The following IQGAP2 variants were observed in gnomAD, a reference collection of about 807,000 sequenced individuals.
The protein encoded by IQGAP2 is IQ motif containing GTPase activating protein 2, also known as ras GTPase-activating-like protein IQGAP2.
IQGAP2 carries 173 observed loss-of-function variants against 201.3 expected under a neutral mutation model. The observed-to-expected ratio is 0.86, with a 90% CI of 0.76 to 0.98. IQGAP2 has a LOEUF of 0.98. Among genes scored for constraint, IQGAP2 ranks in the 50% least tolerant of loss-of-function variants. The probability of loss-of-function intolerance (pLI) is 0.00; values close to 1 mark genes in which losing one functional copy is unlikely to be tolerated. For synonymous variants in IQGAP2, 675 were observed against 673.9 expected (o/e 1.00, Z -0.03); for missense variants, 1,687 against 1,864.8 (o/e 0.90, Z 1.76).
chr5:76,494,971 C>G (rs904335846), intron 2 of IQGAP2, among the ~76,000 whole-genome samples: 8 of 152,256 alleles, frequency 5.3e-5, no homozygotes, highest in Middle Eastern at 3.4e-3. Flanking sequence ...AGGGTGTTTT[C>G]TTTTCATTAC....
intron 26 of IQGAP2, 69 bp from the exon 27 acceptor site, chr5:76,674,408 A>T (rs751264011): frequency 2.2e-6 from 2 of 923,834 alleles, no homozygotes; most frequent in Non-Finnish European, 3.3e-6. Context: ...ATCTTTAAAA[A>T]AAAAAAGAAA....
intron 14 of IQGAP2, among the ~76,000 whole-genome samples, chr5:76,628,408 T>G (rs1750430109): frequency 6.6e-6 from 1 of 152,146 alleles, no homozygotes; most frequent in Non-Finnish European, 1.5e-5. Flanking sequence ...ACTTCTGGAG[T>G]GCATAATCGG....
intron 2 of IQGAP2, among the ~76,000 whole-genome samples, chr5:76,526,130 A>G (rs929996007): frequency 4.6e-5 from 7 of 152,316 alleles, no homozygotes; most frequent in Admixed American, 4.6e-4. Context: ...TGGCTGTACC[A>G]CCTTAGGCAA....
chr5:76,581,203 A>C (rs2150291733), intron 5 of IQGAP2, among the ~76,000 whole-genome samples: 1 of 152,278 alleles, frequency 6.6e-6, no homozygotes, highest in South Asian at 2.1e-4. Context: ...GTGGCCTTTG[A>C]ACCTGCTCCT....
At chr5:76,549,760 C>T (rs896906587) in intron 2 of IQGAP2, among the ~76,000 whole-genome samples, 3 of 152,064 alleles carry the variant, frequency 2.0e-5, no homozygotes, top group Non-Finnish European at 4.4e-5. Context: ...GCTCTCTGTG[C>T]CCTGATCACC....
rs1759135394 is a variant in IQGAP2 at position 76,529,109 on chromosome 5, G to A, written c.147-33287G>A. 3.9e-5 allele frequency among the ~76,000 whole-genome samples: 6 copies of A among 152,198 alleles called. 1 individual carries two copies. Among genetic ancestry groups the A allele is most frequent in the Admixed American group, 3.9e-4 (6 of 15,282 alleles). ...TGCAAGGGAGATTAGTTTTGAGGGAGCAGGTGGCAGTGTTGAGTGATGCTG... is the reference window on the plus strand; with the variant it reads ...TGCAAGGGAGATTAGTTTTGAGGGAACAGGTGGCAGTGTTGAGTGATGCTG... On this transcript the variant is annotated intron_variant, in intron 2 of 35. Coordinates refer to ENST00000274364, the MANE Select transcript of IQGAP2 (RefSeq NM_006633.5).
At chr5:76,559,579 G>T (rs931491094) in intron 2 of IQGAP2, among the ~76,000 whole-genome samples, 1 of 152,076 alleles carries the variant, frequency 6.6e-6, no homozygotes, top group African/African-American at 2.4e-5. Flanking sequence ...GGTTTTCTTC[G>T]TGAGTCAGCC....
intron 1 of IQGAP2, among the ~76,000 whole-genome samples, chr5:76,442,608 A>G (rs914559398): frequency 6.6e-6 from 1 of 152,236 alleles, no homozygotes; most frequent in Non-Finnish European, 1.5e-5. Context: ...ATTTTCACCT[A>G]GAGTGCATGT....
intron 1 of IQGAP2, among the ~76,000 whole-genome samples, chr5:76,430,896 G>A (rs1752329924): frequency 6.6e-6 from 1 of 152,024 alleles, no homozygotes; most frequent in African/African-American, 2.4e-5. Flanking sequence ...TAGCAATTGG[G>A]GAGTAGTTCA....
chr5:76,406,842 GCCTT>G (rs1252956682), intron 1 of IQGAP2, among the ~76,000 whole-genome samples: 1 of 152,202 alleles, frequency 6.6e-6, no homozygotes, highest in African/African-American at 2.4e-5. Flanking sequence ...AAGATTCAGA[GCCTT>G]CCTTTCATGA....
chr5:76,561,230 T>G (rs115418253), intron 2 of IQGAP2, among the ~76,000 whole-genome samples: 1 of 152,162 alleles, frequency 6.6e-6, no homozygotes, highest in Non-Finnish European at 1.5e-5. Context: ...AGTGAAACCT[T>G]GGATAAGGGG....
intron 1 of IQGAP2, among the ~76,000 whole-genome samples, chr5:76,420,753 T>C (rs1213839874): frequency 6.6e-6 from 1 of 152,204 alleles, no homozygotes; most frequent in Non-Finnish European, 1.5e-5. Context: ...CTCCCAGCAC[T>C]GGATAACCAC....
chr5:76,492,672 G>A (rs1472770545), intron 2 of IQGAP2, among the ~76,000 whole-genome samples: 1 of 152,092 alleles, frequency 6.6e-6, no homozygotes, highest in African/African-American at 2.4e-5. Context: ...TTGAAGAAAT[G>A]GGAGCAAACA....
intron 13 of IQGAP2, among the ~76,000 whole-genome samples, chr5:76,622,324 A>G (rs896105227): frequency 6.6e-5 from 10 of 152,218 alleles, no homozygotes; most frequent in African/African-American, 2.4e-4. Context: ...ACATGTGCTT[A>G]CTGCTAATCA....
intron 3 of IQGAP2, among the ~76,000 whole-genome samples, chr5:76,565,748 T>G (rs1744700539): frequency 6.6e-6 from 1 of 152,222 alleles, no homozygotes. Flanking sequence ...AAGGATTCCA[T>G]TCCTTTTCTT....
chr5:76,609,358 A>G (rs1351906273), intron 12 of IQGAP2: 1 of 832,894 alleles, frequency 1.2e-6, no homozygotes, highest in South Asian at 1.8e-5. Context: ...TAGACTTTCC[A>G]GAGTTCTGTC....
At chr5:76,684,867 A>G (rs991722731) in intron 30 of IQGAP2, among the ~76,000 whole-genome samples, 1 of 152,062 alleles carries the variant, frequency 6.6e-6, no homozygotes, top group Non-Finnish European at 1.5e-5. Flanking sequence ...ACATTCAATC[A>G]TCTGTGAAAA....
intron 2 of IQGAP2, among the ~76,000 whole-genome samples, chr5:76,475,955 G>A (rs754631737): frequency 5.0e-4 from 76 of 152,082 alleles, no homozygotes; most frequent in Admixed American, 2.0e-4. Context: ...CCATCTGGCC[G>A]AGGAGCCTAT....
At chr5:76,590,344 T>G in intron 7 of IQGAP2, 64 bp from the exon 8 acceptor site, 2 of 1,323,214 alleles carry the variant, frequency 1.5e-6, no homozygotes, top group African/African-American at 2.9e-5. Flanking sequence ...ACAGGGTCAA[T>G]GCAACTGTCC....
Sources: gnomAD v4.1 joint callset for allele counts (sites outside exome capture counted in the v4.1 genomes callset) on GRCh38, gnomAD v4.1.1 for gene constraint, MANE v1.5 for transcripts, NCBI Gene and HGNC (gene_info 2026-07-23, HGNC 2026-07-21) for gene names.